GRIK2: variants seen among roughly 807,000 people sequenced by gnomAD.
The protein encoded by GRIK2 is glutamate receptor ionotropic, kainate 2.
In GRIK2, 32 loss-of-function variants were observed where a neutral mutation model predicts 100.3. The ratio of observed to expected loss-of-function variants is 0.32; its 90% CI spans 0.24 to 0.43. The LOEUF is 0.43. GRIK2 is among the 20% of genes least tolerant of loss of function. GRIK2 has a pLI of 1.00. For missense variants in GRIK2, 843 were observed against 1,114.9 expected (o/e 0.76, Z 3.47); for synonymous variants, 417 against 389.4 (o/e 1.07, Z -0.83).
intron 10 of GRIK2, 91 bp from the exon 11 acceptor site, chr6:101,859,196 G>T: frequency 1.5e-6 from 1 of 650,328 alleles, no homozygotes; most frequent in South Asian, 2.0e-5. Context: ...AAATTAATGA[G>T]AAAATTTCTG....
chr6:101,823,407 G>T (rs1026057823), intron 10 of GRIK2, among the ~76,000 whole-genome samples: 1 of 151,934 alleles, frequency 6.6e-6, no homozygotes, highest in Non-Finnish European at 1.5e-5. Context: ...GAGATTTATG[G>T]ATCGTCAACT....
At chr6:101,515,124 A>G (rs1006740614) in intron 2 of GRIK2, among the ~76,000 whole-genome samples, 1 of 152,070 alleles carries the variant, frequency 6.6e-6, no homozygotes, top group African/African-American at 2.4e-5. Flanking sequence ...CTTAGCTTCC[A>G]CATATTAGTG....
At chr6:101,811,228 A>G (rs2128418598) in intron 9 of GRIK2, among the ~76,000 whole-genome samples, 1 of 152,236 alleles carries the variant, frequency 6.6e-6, no homozygotes, top group East Asian at 1.9e-4. Context: ...ACCCATGTAC[A>G]GTGTGGTTTC....
At chr6:101,549,296 A>G (rs796262316) in intron 2 of GRIK2, among the ~76,000 whole-genome samples, 91 of 142,368 alleles carry the variant, frequency 6.4e-4, no homozygotes, top group African/African-American at 2.2e-3. Flanking sequence ...AAAAGATTGT[A>G]TGTAGTATTT....
chr6:101,543,617 C>T (rs1776105246), intron 2 of GRIK2, among the ~76,000 whole-genome samples: 1 of 152,154 alleles, frequency 6.6e-6, no homozygotes. Flanking sequence ...GGCCTGGCCT[C>T]CCGAGCCTGT....
intron 15 of GRIK2, among the ~76,000 whole-genome samples, 176 bp from the exon 16 acceptor site, chr6:102,055,154 T>C (rs17788586): frequency 0.078 from 11,949 of 152,230 alleles, 647 homozygotes; most frequent in Middle Eastern, 0.17. Context: ...AGGCTATCCA[T>C]TTTAATGATC....
intron 2 of GRIK2, among the ~76,000 whole-genome samples, chr6:101,478,736 G>A (rs749881685): frequency 6.6e-6 from 1 of 151,884 alleles, no homozygotes; most frequent in South Asian, 2.1e-4. Flanking sequence ...GTGTTAGCCA[G>A]GATGGTCTCG....
At chr6:101,536,779 G>A (rs955267049) in intron 2 of GRIK2, among the ~76,000 whole-genome samples, 3 of 151,590 alleles carry the variant, frequency 2.0e-5, no homozygotes, top group Non-Finnish European at 4.4e-5. Context: ...CTTCAGTGAG[G>A]TTGTTCATAC....
At chr6:101,816,126 G>A (rs1333983694) in intron 9 of GRIK2, among the ~76,000 whole-genome samples, 1 of 152,078 alleles carries the variant, frequency 6.6e-6, no homozygotes, top group Non-Finnish European at 1.5e-5. Flanking sequence ...TGGTTAGAAA[G>A]TTGAAAACTT....
At position 101,640,150 on chromosome 6, in the gene GRIK2, A is replaced by G. The variant is rs549932144; in HGVS notation, c.541+13513A>G. On this transcript the variant is annotated intron_variant, in intron 4 of 16. Transcript: ENST00000369134. Reference sequence around the variant, plus strand: ...AATTTAATTCATAACACAGAATAAAATATCTGGGCTACTGTTAAAACTAAA... The same window carrying G: ...AATTTAATTCATAACACAGAATAAAGTATCTGGGCTACTGTTAAAACTAAA... Among the ~76,000 whole-genome samples the G allele has an allele frequency of 5.3e-5, 8 of 152,312 alleles. No individual in the cohort carries two copies. The South Asian group carries it at 1.7e-3, about 32-fold the overall frequency.
intron 14 of GRIK2, among the ~76,000 whole-genome samples, chr6:101,991,474 A>C (rs915966668): frequency 4.6e-5 from 7 of 151,012 alleles, no homozygotes; most frequent in South Asian, 2.1e-4. Context: ...AATAAATAGA[A>C]GTGTTTGTTG....
At chr6:101,690,056 T>C (rs1771984033) in intron 7 of GRIK2, among the ~76,000 whole-genome samples, 1 of 152,148 alleles carries the variant, frequency 6.6e-6, no homozygotes, top group South Asian at 2.1e-4. Flanking sequence ...ATACTTGTTA[T>C]TGATTTATTG....
chr6:101,465,053 T>A (rs1384777850), intron 2 of GRIK2, among the ~76,000 whole-genome samples: 2 of 152,202 alleles, frequency 1.3e-5, no homozygotes, highest in African/African-American at 2.4e-5. Context: ...AACAGGATAA[T>A]ATCTGAAAGC....
chr6:101,881,280 T>A (rs1786223282), intron 11 of GRIK2, among the ~76,000 whole-genome samples: 1 of 151,938 alleles, frequency 6.6e-6, no homozygotes, highest in South Asian at 2.1e-4. Context: ...TGTAACACCA[T>A]ATTTTATATA....
At chr6:101,764,696 G>A (rs939163116) in intron 7 of GRIK2, among the ~76,000 whole-genome samples, 43 of 152,024 alleles carry the variant, frequency 2.8e-4, no homozygotes, top group African/African-American at 1.0e-3. Context: ...TACCCAGGCT[G>A]AAGTCACTAG....
intron 2 of GRIK2, among the ~76,000 whole-genome samples, chr6:101,528,321 A>G (rs1356466040): frequency 1.3e-5 from 2 of 152,194 alleles, no homozygotes; most frequent in African/African-American, 2.4e-5. Context: ...AACACCCACT[A>G]TAGGATTTGG....
chr6:101,592,831 A>T (rs920585518), intron 2 of GRIK2, among the ~76,000 whole-genome samples: 1 of 151,542 alleles, frequency 6.6e-6, no homozygotes, highest in Non-Finnish European at 1.5e-5. Context: ...AGATGAGAAA[A>T]TGACAACTGT....
chr6:101,570,035 C>G (rs532197039), intron 2 of GRIK2, among the ~76,000 whole-genome samples: 7 of 152,162 alleles, frequency 4.6e-5, no homozygotes, highest in Middle Eastern at 3.4e-3. Context: ...AAAATGCAAT[C>G]AAATGGCTAT....
intron 4 of GRIK2, among the ~76,000 whole-genome samples, chr6:101,643,688 G>A (rs936536247): frequency 5.3e-5 from 8 of 151,116 alleles, no homozygotes; most frequent in African/African-American, 1.5e-4. Flanking sequence ...TCTTTTTTAA[G>A]ATTGTTTTGG....
Sources: gnomAD v4.1 joint callset for allele counts (sites outside exome capture counted in the v4.1 genomes callset) on GRCh38, gnomAD v4.1.1 for gene constraint, MANE v1.5 for transcripts, NCBI Gene and HGNC (gene_info 2026-07-23, HGNC 2026-07-21) for gene names.